SEMA6D: variants seen among roughly 807,000 people sequenced by gnomAD.
The protein encoded by SEMA6D is semaphorin-6D.
SEMA6D carries 35 observed loss-of-function variants against 106.6 expected under a neutral mutation model. The ratio of observed to expected loss-of-function variants is 0.33; its 90% CI spans 0.25 to 0.44. SEMA6D has a LOEUF of 0.44. Ranked by LOEUF, SEMA6D falls within the 20% of genes least tolerant of loss-of-function variation. SEMA6D has a pLI of 1.00. For synonymous variants in SEMA6D, 499 were observed against 487.7 expected (o/e 1.02, Z -0.31); for missense variants, 1,185 against 1,345.9 (o/e 0.88, Z 1.87).
chr15:47,592,693 G>A (rs1396965205), intron 3 of SEMA6D, among the ~76,000 whole-genome samples: 2 of 151,946 alleles, frequency 1.3e-5, no homozygotes, highest in Non-Finnish European at 2.9e-5. Context: ...CATCTAGAAG[G>A]GCCCTTCATG....
chr15:47,750,313 CAGG>C (rs991204037), intron 1 of SEMA6D, among the ~76,000 whole-genome samples: 6 of 152,184 alleles, frequency 3.9e-5, no homozygotes, highest in Non-Finnish European at 8.8e-5. Context: ...CTCTAGCCAT[CAGG>C]AGGAGAACAT....
At chr15:47,385,821 A>G (rs2039817809) in intron 1 of SEMA6D, among the ~76,000 whole-genome samples, 1 of 152,226 alleles carries the variant, frequency 6.6e-6, no homozygotes, top group Non-Finnish European at 1.5e-5. Context: ...AGGAGTTAAG[A>G]TAAGAAATAG....
chr15:47,207,390 A>G (rs1186411600), intron 1 of SEMA6D, among the ~76,000 whole-genome samples: 3 of 152,164 alleles, frequency 2.0e-5, no homozygotes, highest in Non-Finnish European at 4.4e-5. Context: ...TTAAAAAATC[A>G]TGAGGGCAGT....
chr15:47,571,583 G>A (rs934062837), intron 3 of SEMA6D, among the ~76,000 whole-genome samples: 1 of 152,176 alleles, frequency 6.6e-6, no homozygotes, highest in Non-Finnish European at 1.5e-5. Context: ...ATCTGATGCC[G>A]AGAACTATTT....
chr15:47,240,588 G>T (rs1300993948), intron 1 of SEMA6D, among the ~76,000 whole-genome samples: 2 of 152,042 alleles, frequency 1.3e-5, no homozygotes, highest in Non-Finnish European at 2.9e-5. Flanking sequence ...GATCTCCATG[G>T]AATTTTTGCA....
intron 1 of SEMA6D, among the ~76,000 whole-genome samples, chr15:47,376,068 A>C (rs2039437276): frequency 2.0e-5 from 3 of 152,238 alleles, no homozygotes. Context: ...GTCTTCAAAC[A>C]GGATGCACCA....
At chr15:47,609,873 C>T (rs2076859332) in intron 4 of SEMA6D, among the ~76,000 whole-genome samples, 1 of 152,220 alleles carries the variant, frequency 6.6e-6, no homozygotes, top group South Asian at 2.1e-4. Context: ...TCTCCCACTG[C>T]CTGCCACTGC....
At chr15:47,266,362 C>A (rs1480204830) in intron 1 of SEMA6D, among the ~76,000 whole-genome samples, 2 of 152,014 alleles carry the variant, frequency 1.3e-5, no homozygotes, top group Non-Finnish European at 2.9e-5. Context: ...GGCAAAATCT[C>A]TAGATTTTGC....
At chr15:47,282,316 A>C (rs563277376) in intron 1 of SEMA6D, among the ~76,000 whole-genome samples, 1 of 152,252 alleles carries the variant, frequency 6.6e-6, no homozygotes, top group South Asian at 2.1e-4. Context: ...GGATTTATGC[A>C]GTATGTGCTC....
chr15:47,354,162 A>G (rs1035049751), intron 1 of SEMA6D, among the ~76,000 whole-genome samples: 2 of 147,224 alleles, frequency 1.4e-5, no homozygotes, highest in African/African-American at 5.1e-5. Context: ...GCTTATATAT[A>G]TGGAATGAGA....
chr15:47,260,767 T>C (rs967145605), intron 1 of SEMA6D, among the ~76,000 whole-genome samples: 2 of 152,086 alleles, frequency 1.3e-5, no homozygotes, highest in African/African-American at 4.8e-5. Context: ...ATTTAAAACC[T>C]GGGAGGGAAA....
At chr15:47,384,814 G>GTTTTTTTTTTTTTTTTT (rs1168068495) in intron 1 of SEMA6D, among the ~76,000 whole-genome samples, 2 of 65,694 alleles carry the variant, frequency 3.0e-5, no homozygotes, top group African/African-American at 5.3e-5. Context: ...GATTACTAAA[G>GTTTTTTTTTTTTTTTTT]TTTTTTTTTT....
chr15:47,680,467 A>G (rs1169264364), intron 4 of SEMA6D, among the ~76,000 whole-genome samples: 1 of 152,176 alleles, frequency 6.6e-6, no homozygotes, highest in African/African-American at 2.4e-5. Context: ...CATAGGTACT[A>G]ACTGGTTAGC....
chr15:47,474,620 A>G (rs1405198561), intron 3 of SEMA6D, among the ~76,000 whole-genome samples: 1 of 152,236 alleles, frequency 6.6e-6, no homozygotes, highest in East Asian at 1.9e-4. Context: ...GTACTGACTT[A>G]TTAAAGCCAT....
rs1254336895 is a variant in SEMA6D, at chr15:47,772,081, A to G, written c.*296A>G. On this transcript the variant is annotated 3_prime_UTR_variant, in exon 19 of 19. Transcript: ENST00000536845. ...CTTACCAGTATAAAGAGCTGATAAC[A>G]GTACTCAGAAGAATCTGTGAACAAA... 1 of 332,342 alleles carries G rather than the reference A, an allele frequency of 3.0e-6. No homozygotes were observed. Among genetic ancestry groups the G allele is most frequent in the East Asian group, 4.9e-5 (1 of 20,302 alleles). The allele number at this position is 332,342 out of a possible 1,614,324, so 20.6% of individuals were successfully genotyped here. A position where few individuals can be genotyped will look rare whatever the true frequency, so the allele number is the denominator to read the frequency against.
chr15:47,479,615 T>TAG (rs1836649437), intron 3 of SEMA6D, among the ~76,000 whole-genome samples: 1 of 152,200 alleles, frequency 6.6e-6, no homozygotes, highest in African/African-American at 2.4e-5. Context: ...GTTGGAGTTT[T>TAG]AGAGTAGTGA....
chr15:47,484,596 T>C (rs1478545504), intron 3 of SEMA6D, among the ~76,000 whole-genome samples: 1 of 152,198 alleles, frequency 6.6e-6, no homozygotes, highest in Non-Finnish European at 1.5e-5. Context: ...AAGATATTAT[T>C]ACCAGTTAGT....
intron 4 of SEMA6D, among the ~76,000 whole-genome samples, chr15:47,699,305 C>T (rs891197816): frequency 2.6e-5 from 4 of 152,178 alleles, no homozygotes; most frequent in African/African-American, 9.7e-5. Flanking sequence ...AAGCACTGTG[C>T]AAAGTACTTT....
At chr15:47,234,125 A>G (rs2032389954) in intron 1 of SEMA6D, among the ~76,000 whole-genome samples, 1 of 151,852 alleles carries the variant, frequency 6.6e-6, no homozygotes, top group South Asian at 2.1e-4. Context: ...TTTTGGGAAT[A>G]AGGGTTTTGA....
Sources: allele counts gnomAD v4.1 joint callset (sites outside exome capture counted in the v4.1 genomes callset), GRCh38; gene constraint gnomAD v4.1.1; transcripts MANE v1.5; gene names NCBI Gene and HGNC (gene_info 2026-07-23, HGNC 2026-07-21).